The following RAB31 variants were observed in gnomAD, a reference collection of about 807,000 sequenced individuals.
RAB31 encodes the protein ras-related protein Rab-31.
In RAB31, 21 loss-of-function variants were observed where a neutral mutation model predicts 25.6. The observed-to-expected ratio is 0.82, with a 90% CI of 0.58 to 1.18. The LOEUF is 1.18. Among genes scored for constraint, RAB31 ranks in the 50% most tolerant of loss-of-function variants. RAB31 has a pLI of 0.00. For synonymous variants in RAB31, 87 were observed against 84.0 expected (o/e 1.04, Z -0.20); for missense variants, 196 against 250.1 (o/e 0.78, Z 1.46).
intron 3 of RAB31, among the ~76,000 whole-genome samples, chr18:9,793,535 A>G (rs367649842): frequency 4.9e-4 from 74 of 152,080 alleles, no homozygotes; most frequent in African/African-American, 1.4e-3. Context: ...GGTGGTGGGC[A>G]TCTGTAGTCC....
intron 1 of RAB31, among the ~76,000 whole-genome samples, chr18:9,773,721 C>G (rs909017657): frequency 6.6e-6 from 1 of 152,174 alleles, no homozygotes; most frequent in African/African-American, 2.4e-5. Context: ...TGCAGTGGCA[C>G]AATCATAGCT....
chr18:9,724,203 G>GGGTTCCCTTGCAGT (rs1325042359), intron 1 of RAB31, among the ~76,000 whole-genome samples: 1 of 140,940 alleles, frequency 7.1e-6, no homozygotes, highest in Non-Finnish European at 1.5e-5. Context: ...CCCGGGAGGC[G>GGGTTCCCTTGCAGT]GAGCTTGCAG....
intron 3 of RAB31, among the ~76,000 whole-genome samples, chr18:9,794,418 A>C (rs549978481): frequency 6.6e-6 from 1 of 152,340 alleles, no homozygotes; most frequent in East Asian, 1.9e-4. Flanking sequence ...AAACAAATGG[A>C]AACACATCCT....
rs144937538 is a variant in RAB31, at chr18:9,718,051, C to T, written c.39+9607C>T. Reference sequence around the variant, plus strand: ...CTGGGACTATAGGTGCCCACCACCACACTTGGATAATTTTTTTGGTTTCTT... The same window carrying T: ...CTGGGACTATAGGTGCCCACCACCATACTTGGATAATTTTTTTGGTTTCTT... On this transcript the variant is annotated intron_variant, in intron 1 of 6. Coordinates refer to ENST00000578921, the MANE Select transcript of RAB31 (RefSeq NM_006868.4). 8.1e-3 allele frequency among the ~76,000 whole-genome samples: 1,234 copies of T among 151,840 alleles called. 9 individuals are homozygous for T. The highest frequency in any genetic ancestry group is 0.013 in the Non-Finnish European group (861 of 67,944).
intron 1 of RAB31, among the ~76,000 whole-genome samples, chr18:9,718,450 G>T (rs1256490383): frequency 3.3e-5 from 5 of 151,618 alleles, no homozygotes; most frequent in Admixed American, 3.3e-4. Flanking sequence ...GTAGAGATGG[G>T]GTTTCACTAT....
chr18:9,776,156 G>A (rs530252750), intron 2 of RAB31, among the ~76,000 whole-genome samples: 47 of 152,206 alleles, frequency 3.1e-4, no homozygotes, highest in Non-Finnish European at 5.9e-4. Context: ...GAAGTGCATT[G>A]TTAAATTCTC....
intron 6 of RAB31, among the ~76,000 whole-genome samples, chr18:9,853,855 A>G (rs1002552412): frequency 2.0e-5 from 3 of 151,472 alleles, no homozygotes; most frequent in Admixed American, 1.3e-4. Flanking sequence ...TCAAAAAATA[A>G]ATAAATAAAG....
At chr18:9,765,316 T>C (rs2068310338) in intron 1 of RAB31, among the ~76,000 whole-genome samples, 1 of 152,228 alleles carries the variant, frequency 6.6e-6, no homozygotes, top group African/African-American at 2.4e-5. Context: ...GTTTTCTCAC[T>C]ACAGTAACAG....
chr18:9,805,283 T>TA (rs11451829), intron 3 of RAB31, among the ~76,000 whole-genome samples: 89,140 of 146,710 alleles, frequency 0.61, 26,902 homozygotes, highest in East Asian at 0.73. Flanking sequence ...ATAAAAAGAT[T>TA]AAAAAAAAAA....
chr18:9,783,301 GCTTCCT>G (rs1229998047), intron 2 of RAB31, among the ~76,000 whole-genome samples: 1 of 152,124 alleles, frequency 6.6e-6, no homozygotes, highest in African/African-American at 2.4e-5. Context: ...GAGGGCCTCT[GCTTCCT>G]CTTCCTGGTT....
intron 6 of RAB31, among the ~76,000 whole-genome samples, chr18:9,857,850 A>G (rs1426785687): frequency 6.6e-6 from 1 of 150,418 alleles, no homozygotes; most frequent in East Asian, 1.9e-4. Context: ...CAACATAGCA[A>G]GACCCTATCT....
At chr18:9,811,321 G>T (rs910011272) in intron 3 of RAB31, among the ~76,000 whole-genome samples, 1 of 152,214 alleles carries the variant, frequency 6.6e-6, no homozygotes, top group African/African-American at 2.4e-5. Context: ...GGCAGGGAGG[G>T]TGGCCCACTT....
chr18:9,758,805 TCTATCTCCCCATG>T (rs1395047793), intron 1 of RAB31, among the ~76,000 whole-genome samples: 1 of 152,012 alleles, frequency 6.6e-6, no homozygotes, highest in African/African-American at 2.4e-5. Flanking sequence ...CATCCCCCTG[TCTATCTCCCCATG>T]AGGACAAAAG....
At chr18:9,775,256 T>C in intron 1 of RAB31, 22 bp from the exon 2 acceptor site, 1 of 1,613,660 alleles carries the variant, frequency 6.2e-7, no homozygotes, top group East Asian at 2.2e-5. Context: ...ATCTTCACGG[T>C]TGTATCCTCA....
At position 9,720,360 on chromosome 18, in the gene RAB31, G is replaced by T. The variant is rs567868658; in HGVS notation, c.39+11916G>T. Reference sequence around the variant, plus strand: ...CTAACAATGTCCTTGGCCTGCTAGGGCGTACATGGGAAAAGTTAGGTAACA... The same window carrying T: ...CTAACAATGTCCTTGGCCTGCTAGGTCGTACATGGGAAAAGTTAGGTAACA... On this transcript the variant is annotated intron_variant, in intron 1 of 6. Transcript: ENST00000578921. 7.9e-5 allele frequency among the ~76,000 whole-genome samples: 12 copies of T among 152,340 alleles called. No homozygotes were observed. In the South Asian group the frequency reaches 2.5e-3, roughly 32 times the overall value.
chr18:9,760,558 A>G (rs2068282928), intron 1 of RAB31, among the ~76,000 whole-genome samples: 1 of 152,126 alleles, frequency 6.6e-6, no homozygotes, highest in South Asian at 2.1e-4. Flanking sequence ...TTCAAATAGA[A>G]TGATCTTATG....
At chr18:9,718,518 C>T (rs2068055494) in intron 1 of RAB31, among the ~76,000 whole-genome samples, 1 of 152,218 alleles carries the variant, frequency 6.6e-6, no homozygotes, top group South Asian at 2.1e-4. Flanking sequence ...CTCGGCCTCC[C>T]AAAGTGCTGG....
At chr18:9,767,774 A>G (rs144238701) in intron 1 of RAB31, among the ~76,000 whole-genome samples, 14,776 of 151,932 alleles carry the variant, frequency 0.097, 805 homozygotes, top group South Asian at 0.2. Context: ...GAACGTGCAG[A>G]TTTGTTACAT....
At chr18:9,741,214 A>G (rs2068177064) in intron 1 of RAB31, among the ~76,000 whole-genome samples, 1 of 151,854 alleles carries the variant, frequency 6.6e-6, no homozygotes, top group Non-Finnish European at 1.5e-5. Context: ...CGTCTCCACT[A>G]AAAGCACAAA....
Sources: gnomAD v4.1 joint callset for allele counts (sites outside exome capture counted in the v4.1 genomes callset) on GRCh38, gnomAD v4.1.1 for gene constraint, MANE v1.5 for transcripts, NCBI Gene and HGNC (gene_info 2026-07-23, HGNC 2026-07-21) for gene names.